HTR7: variants seen among roughly 807,000 people sequenced by gnomAD.
HTR7 encodes the protein 5-HT-7.
Under a neutral mutation model 34.0 loss-of-function variants are expected in HTR7, and 16 were observed. The observed-to-expected ratio is 0.47, with a 90% CI of 0.32 to 0.71. The LOEUF (loss-of-function observed/expected upper bound fraction) is 0.71. Ranked by LOEUF, HTR7 falls within the 30% of genes least tolerant of loss-of-function variation. The pLI is 0.04. For missense variants in HTR7, 504 were observed against 625.5 expected, an observed-to-expected ratio of 0.81 and a Z score of 2.07; for synonymous variants, 265 against 260.2, an observed-to-expected ratio of 1.02 and a Z score of -0.18.
intron 1 of HTR7, among the ~76,000 whole-genome samples, chr10:90,821,162 T>C (rs1023212892): frequency 8.1e-6 from 1 of 123,014 alleles, no homozygotes; most frequent in African/African-American, 3.7e-5. Context: ...ACAAGCACCT[T>C]CATAAGAACC....
At chr10:90,839,051 C>G (rs1846290966) in intron 1 of HTR7, among the ~76,000 whole-genome samples, 1 of 152,050 alleles carries the variant, frequency 6.6e-6, no homozygotes, top group African/African-American at 2.4e-5. Context: ...ATTAAAAAAG[C>G]AAAAAGATAA....
chr10:90,759,411 T>C (rs1464762609), intron 1 of HTR7, among the ~76,000 whole-genome samples: 1 of 149,792 alleles, frequency 6.7e-6, no homozygotes, highest in Non-Finnish European at 1.5e-5. Flanking sequence ...ATCCCAGCAC[T>C]TTGGGAGGCC....
intron 1 of HTR7, among the ~76,000 whole-genome samples, chr10:90,793,145 T>A (rs1037168921): frequency 3.3e-5 from 5 of 152,128 alleles, no homozygotes; most frequent in Admixed American, 6.5e-5. Flanking sequence ...TATTTTCAAA[T>A]CATTTATTCA....
At chr10:90,775,849 A>G (rs947275999) in intron 1 of HTR7, among the ~76,000 whole-genome samples, 1 of 152,228 alleles carries the variant, frequency 6.6e-6, no homozygotes, top group African/African-American at 2.4e-5. Flanking sequence ...GGTTGAGACC[A>G]GCACTGCCCA....
At chr10:90,786,422 T>C (rs1402266390) in intron 1 of HTR7, among the ~76,000 whole-genome samples, 1 of 152,184 alleles carries the variant, frequency 6.6e-6, no homozygotes. Context: ...AAGCCAGATG[T>C]GGTGCCTGAG....
intron 1 of HTR7, among the ~76,000 whole-genome samples, chr10:90,791,577 C>T (rs530696160): frequency 2.0e-5 from 3 of 152,042 alleles, no homozygotes; most frequent in Admixed American, 6.6e-5. Flanking sequence ...GGAAGAGGAG[C>T]GGGCAATGGC....
intron 1 of HTR7, among the ~76,000 whole-genome samples, chr10:90,778,441 A>T (rs1845253952): frequency 1.3e-5 from 2 of 151,770 alleles, no homozygotes; most frequent in South Asian, 4.2e-4. Flanking sequence ...CCACCTGGGG[A>T]CTCTGCAGAG....
At chr10:90,817,322 GC>G (rs1340080153) in intron 1 of HTR7, among the ~76,000 whole-genome samples, 3 of 152,126 alleles carry the variant, frequency 2.0e-5, no homozygotes, top group African/African-American at 7.2e-5. Context: ...CTCCCTAAGA[GC>G]TAAAAAGAAA....
intron 1 of HTR7, among the ~76,000 whole-genome samples, chr10:90,760,026 A>G (rs1844909329): frequency 6.6e-6 from 1 of 152,388 alleles, no homozygotes; most frequent in Non-Finnish European, 1.5e-5. Flanking sequence ...TACAAAGGAA[A>G]GGAAATCAGT....
intron 1 of HTR7, among the ~76,000 whole-genome samples, chr10:90,765,915 G>A (rs1246562207): frequency 6.6e-6 from 1 of 152,110 alleles, no homozygotes; most frequent in Admixed American, 6.5e-5. Context: ...TCTTGAATTT[G>A]TGAAGCATAT....
intron 1 of HTR7, among the ~76,000 whole-genome samples, chr10:90,817,397 T>C (rs1354197205): frequency 6.6e-6 from 1 of 152,230 alleles, no homozygotes; most frequent in Non-Finnish European, 1.5e-5. Context: ...AGATTAAACA[T>C]GCTTTCACCC....
chr10:90,831,361 C>T (rs1186987844), intron 1 of HTR7, among the ~76,000 whole-genome samples: 1 of 151,960 alleles, frequency 6.6e-6, no homozygotes, highest in Non-Finnish European at 1.5e-5. Context: ...CAGACCTTGG[C>T]GGTGAGTGTT....
At chr10:90,809,836 G>C (rs1331668170) in intron 1 of HTR7, among the ~76,000 whole-genome samples, 1 of 152,202 alleles carries the variant, frequency 6.6e-6, no homozygotes, top group African/African-American at 2.4e-5. Flanking sequence ...AGAGCCCCTG[G>C]AACTCTGGCC....
At chr10:90,754,328 C>T (rs1844795287) in intron 1 of HTR7, among the ~76,000 whole-genome samples, 1 of 151,800 alleles carries the variant, frequency 6.6e-6, no homozygotes, top group South Asian at 2.1e-4. Context: ...GGAAGTGTTT[C>T]TCTAAATTAT....
intron 1 of HTR7, among the ~76,000 whole-genome samples, chr10:90,793,840 G>A (rs367852631): frequency 3.3e-4 from 51 of 152,280 alleles, no homozygotes; most frequent in African/African-American, 1.0e-3. Flanking sequence ...AATCACTGGT[G>A]TCCAAAAGCT....
rs371249893 is a variant in HTR7, at chr10:90,748,763, CTTTCTGTGATGTG to C, written c.1295+63_1295+75del. The C allele has an allele frequency of 8.7e-5, 128 of 1,465,260 alleles. No individual in the cohort carries two copies. The African/African-American group carries it at 1.6e-3, about 19-fold the overall frequency. The allele number at this position is 1,465,260 out of a possible 1,614,324, so 90.8% of individuals were successfully genotyped here. On this transcript the variant is annotated intron_variant, in intron 2 of 3. Transcript: ENST00000336152. ...CTAAGCTAGCTACTCGTTCAGGAAG[CTTTCTGTGATGTG>C]CCTCAAAAAGCTGCATAAAAGGGTT...
chr10:90,849,316 C>T (rs1335583516), intron 1 of HTR7, among the ~76,000 whole-genome samples: 1 of 152,160 alleles, frequency 6.6e-6, no homozygotes, highest in African/African-American at 2.4e-5. Flanking sequence ...CCATATCCTT[C>T]CCAACACTTG....
At chr10:90,835,710 C>G (rs377130520) in intron 1 of HTR7, among the ~76,000 whole-genome samples, 11 of 152,008 alleles carry the variant, frequency 7.2e-5, no homozygotes, top group East Asian at 3.9e-4. Flanking sequence ...TGCAAGGGAC[C>G]CAGAAATATA....
At chr10:90,757,613 TA>T (rs555349872) in intron 1 of HTR7, among the ~76,000 whole-genome samples, 402 of 152,238 alleles carry the variant, frequency 2.6e-3, no homozygotes, top group African/African-American at 9.1e-3. Flanking sequence ...AATACTAGCC[TA>T]AAAAGAGAAA....
Sources: gnomAD v4.1 joint callset for allele counts (sites outside exome capture counted in the v4.1 genomes callset) on GRCh38, gnomAD v4.1.1 for gene constraint, MANE v1.5 for transcripts, NCBI Gene and HGNC (gene_info 2026-07-23, HGNC 2026-07-21) for gene names.